The following CLEC17A variants were observed in gnomAD, a reference collection of about 807,000 sequenced individuals.
CLEC17A encodes C-type lectin domain containing 17A.
CLEC17A carries 37 observed loss-of-function variants against 61.3 expected under a neutral mutation model. That is an observed-to-expected ratio of 0.60 (90% CI 0.46 to 0.79). CLEC17A has a LOEUF of 0.79. Ranked by LOEUF, CLEC17A falls within the 30% of genes least tolerant of loss-of-function variation. The probability of loss-of-function intolerance (pLI) is 0.00; values close to 1 mark genes in which losing one functional copy is unlikely to be tolerated. For missense variants in CLEC17A, 418 were observed against 464.7 expected (o/e 0.90, Z 0.92); for synonymous variants, 168 against 164.9 (o/e 1.02, Z -0.14).
chr19:14,580,954 C>T (rs1217517858), upstream of CLEC17A, among the ~76,000 whole-genome samples: 6 of 152,208 alleles, frequency 3.9e-5, no homozygotes, highest in Non-Finnish European at 8.8e-5. Context: ...TCTGCTGCTG[C>T]CCTCCTACCT....
intron 2 of CLEC17A, among the ~76,000 whole-genome samples, chr19:14,586,189 A>G (rs2396226): frequency 0.12 from 17,977 of 149,424 alleles, 3,647 homozygotes; most frequent in African/African-American, 0.42. Context: ...GCAATGGTGC[A>G]ATCTTGGCTG....
At chr19:14,598,302 CTT>C (rs915397426) in intron 10 of CLEC17A, among the ~76,000 whole-genome samples, 2 of 111,206 alleles carry the variant, frequency 1.8e-5, no homozygotes, top group African/African-American at 1.1e-4. Flanking sequence ...TTTGTTCTTT[CTT>C]TCTCTCTCTC....
intron 3 of CLEC17A, among the ~76,000 whole-genome samples, chr19:14,589,022 C>A (rs1475005875): frequency 6.6e-6 from 1 of 151,564 alleles, no homozygotes; most frequent in East Asian, 1.9e-4. Flanking sequence ...TTCTTCAGGG[C>A]CACGTCTGCT....
intron 4 of CLEC17A, among the ~76,000 whole-genome samples, chr19:14,592,736 G>A (rs768430499): frequency 6.6e-6 from 1 of 151,936 alleles, no homozygotes; most frequent in East Asian, 1.9e-4. Flanking sequence ...CACAATCTCC[G>A]CTCACTGCAA....
chr19:14,607,053 GC>G lies in CLEC17A; in HGVS notation c.958del (p.Gln320ArgfsTer13). ...RVYWLGLNDR[A>X]QEGDWRWLDG... Reference sequence around the variant, plus strand: ...GTACTGGCTGGGGCTGAATGACAGGGCCCAGGAAGGGGACTGGAGGTGGCTG... The same window carrying G: ...GTACTGGCTGGGGCTGAATGACAGGGCCAGGAAGGGGACTGGAGGTGGCTG... On this transcript the variant is annotated frameshift_variant, in exon 13 of 14. Coordinates refer to ENST00000417570, the MANE Select transcript of CLEC17A (RefSeq NM_001204118.2). LOFTEE classifies it high-confidence loss of function. 4 of 1,356,328 alleles carry G rather than the reference GC, an allele frequency of 2.9e-6. No individual in the cohort carries two copies. Among genetic ancestry groups the G allele is most frequent in the African/African-American group, 1.5e-5 (1 of 67,572 alleles). 84.0% of individuals were successfully genotyped at this position (1,356,328 alleles called of 1,614,324 possible). A position where few individuals can be genotyped will look rare whatever the true frequency, so the allele number is the denominator to read the frequency against.
In CLEC17A at chr19:14,599,774, A is replaced by G. The variant is rs888597192; in HGVS notation, c.704A>G (p.Asp235Gly). The G allele has an allele frequency of 4.3e-6, 7 of 1,613,840 alleles. No individual in the cohort carries two copies. In the Admixed American group the frequency reaches 6.7e-5, roughly 15 times the overall value. Reference sequence around the variant, plus strand: ...CATGACATTGCCCGTGTAAGAGCTGACACCAACCAGTCCCTGGTGGAACTT... The same window carrying G: ...CATGACATTGCCCGTGTAAGAGCTGGCACCAACCAGTCCCTGGTGGAACTT... ...LKHDIARVRA[D>G]TNQSLVELWG... is the part of the protein sequence containing the mutation. The change falls in exon 11 of 14, where the codon GAC becomes GGC. Residue 235 changes from aspartate to glycine, a missense_variant. Transcript: ENST00000417570.
intron 12 of CLEC17A, among the ~76,000 whole-genome samples, chr19:14,601,814 A>G (rs549490666): frequency 1.3e-5 from 2 of 152,102 alleles, no homozygotes; most frequent in East Asian, 3.9e-4. Flanking sequence ...ACTTTTTGAG[A>G]TGGAGTCTCG....
intron 12 of CLEC17A, among the ~76,000 whole-genome samples, chr19:14,603,265 G>C (rs1012583340): frequency 1.3e-5 from 2 of 152,114 alleles, no homozygotes; most frequent in Admixed American, 1.3e-4. Flanking sequence ...CAAGGTGGAA[G>C]GGAGCACACA....
intron 2 of CLEC17A, among the ~76,000 whole-genome samples, chr19:14,586,311 A>G (rs984443424): frequency 3.3e-5 from 5 of 152,134 alleles, no homozygotes; most frequent in African/African-American, 1.2e-4. Flanking sequence ...TTTAGAAAAG[A>G]TGGGGTTTCT....
At position 14,583,088 on chromosome 19, in the gene CLEC17A, G is replaced by A. The variant is rs200207148; in HGVS notation, c.-73G>A. The A allele has an allele frequency of 3.7e-5, 57 of 1,537,968 alleles. No homozygotes were observed. The highest frequency in any genetic ancestry group is 1.7e-4 in the Middle Eastern group (1 of 5,880). ...AAGGGAACTGAGAGAGCCCCCAGAC[G>A]CCTGAGTCGGAGAGACAGGGGGCAG... On this transcript the variant is annotated 5_prime_UTR_variant, in exon 1 of 14. Transcript: ENST00000417570.
chr19:14,586,719 G>A (rs187150412), intron 2 of CLEC17A, among the ~76,000 whole-genome samples: 4 of 151,960 alleles, frequency 2.6e-5, no homozygotes, highest in South Asian at 2.1e-4. Context: ...GAGCCATTGC[G>A]CCCAGCCTAT....
chr19:14,606,631 G>A, intron 12 of CLEC17A, among the ~76,000 whole-genome samples: 1 of 148,770 alleles, frequency 6.7e-6, no homozygotes, highest in Non-Finnish European at 1.5e-5. Context: ...AGTGAGCTGA[G>A]ATCGCACCAC....
intron 12 of CLEC17A, among the ~76,000 whole-genome samples, chr19:14,604,921 G>A (rs2074817214): frequency 6.6e-6 from 1 of 152,048 alleles, no homozygotes; most frequent in Admixed American, 6.6e-5. Context: ...AGAATTCCAG[G>A]ATGTGGAAAG....
At position 14,597,178 on chromosome 19, in the gene CLEC17A, A is replaced by G; in HGVS notation, c.646+17A>G. On this transcript the variant is annotated intron_variant, in intron 10 of 13. Transcript: ENST00000417570. ...GAACAAATAGTGAGTGCTTTCAGTC[A>G]TTCCTTCATGCCACTCCTATTGAGC... 1 of 1,598,332 alleles carries G rather than the reference A, an allele frequency of 6.3e-7. No individual in the cohort carries two copies. Among genetic ancestry groups the G allele is most frequent in the Non-Finnish European group, 8.5e-7 (1 of 1,171,734 alleles).
At chr19:14,597,269 C>G in intron 10 of CLEC17A, 108 bp downstream of exon 10, 3 of 1,004,638 alleles carry the variant, frequency 3.0e-6, no homozygotes, top group Non-Finnish European at 4.6e-6. Flanking sequence ...GGGCACTGTG[C>G]TAGGTACCAG....
chr19:14,597,954 G>T (rs1035487318), intron 10 of CLEC17A, among the ~76,000 whole-genome samples: 1 of 152,168 alleles, frequency 6.6e-6, no homozygotes, highest in Non-Finnish European at 1.5e-5. Context: ...AAAAAGGGAA[G>T]AGTTCGTGGG....
At chr19:14,609,244 T>C (rs1373132996) in intron 13 of CLEC17A, among the ~76,000 whole-genome samples, 4 of 152,186 alleles carry the variant, frequency 2.6e-5, no homozygotes, top group Non-Finnish European at 5.9e-5. Flanking sequence ...CCTGGACCCC[T>C]TGTGACAAGT....
chr19:14,604,762 CA>C (rs975705034), intron 12 of CLEC17A, among the ~76,000 whole-genome samples: 1 of 147,598 alleles, frequency 6.8e-6, no homozygotes, highest in South Asian at 2.1e-4. Context: ...GACTCTGACT[CA>C]AAAAAAAAAT....
chr19:14,607,658 C>G (rs1186873868), intron 13 of CLEC17A, among the ~76,000 whole-genome samples: 1 of 151,782 alleles, frequency 6.6e-6, no homozygotes, highest in African/African-American at 2.4e-5. Flanking sequence ...TCACTGTAAT[C>G]TCTGTCTCCC....
Sources: gnomAD v4.1 joint callset for allele counts (sites outside exome capture counted in the v4.1 genomes callset) on GRCh38, gnomAD v4.1.1 for gene constraint, MANE v1.5 for transcripts, NCBI Gene and HGNC (gene_info 2026-07-23, HGNC 2026-07-21) for gene names.